Variants in RGS3 observed in about 807,000 individuals in gnomAD.
RGS3 encodes the protein regulator of G protein signaling 3.
A neutral mutation model predicts 132.6 loss-of-function variants in RGS3; 80 were observed. That is an observed-to-expected ratio of 0.60 (90% CI 0.50 to 0.73). The LOEUF is 0.73. Ranked by LOEUF, RGS3 falls within the 30% of genes least tolerant of loss-of-function variation. The probability of loss-of-function intolerance (pLI) is 0.00; values close to 1 mark genes in which losing one functional copy is unlikely to be tolerated. For synonymous variants in RGS3, 598 were observed against 620.6 expected, an observed-to-expected ratio of 0.96 and a Z score of 0.54; for missense variants, 1,382 against 1,530.8, an observed-to-expected ratio of 0.90 and a Z score of 1.62.
chr9:113,497,574 G>A (rs1830728979), intron 9 of RGS3, among the ~76,000 whole-genome samples, 170 bp downstream of exon 7: 1 of 152,170 alleles, frequency 6.6e-6, no homozygotes, highest in South Asian at 2.1e-4. Context: ...GCTGCAGGAA[G>A]CCTCTTGCCC....
exon 20 of RGS3, chr9:113,584,346 G>A (rs781709043): frequency 1.1e-5 from 17 of 1,583,528 alleles, no homozygotes; most frequent in South Asian, 6.8e-5. Context: ...GCATGCCTTC[G>A]CCCAGCACCC....
At chr9:113,498,902 G>A (rs1830773022) in intron 10 of RGS3, among the ~76,000 whole-genome samples, 2 of 132,038 alleles carry the variant, frequency 1.5e-5, no homozygotes, top group South Asian at 2.7e-4. Flanking sequence ...GGGTGACAGA[G>A]CAAGACTCTG....
chr9:113,496,816 G>T (rs1056669250), intron 8 of RGS3, among the ~76,000 whole-genome samples: 1 of 152,146 alleles, frequency 6.6e-6, no homozygotes, highest in Admixed American at 6.5e-5. Context: ...CTCCCAAAGT[G>T]CTGGGATTAC....
intron 19 of RGS3, among the ~76,000 whole-genome samples, chr9:113,572,890 A>T (rs570219746): frequency 6.6e-6 from 1 of 152,350 alleles, no homozygotes; most frequent in East Asian, 1.9e-4. Flanking sequence ...ACCTGCAACT[A>T]ACAGGACTCC....
chr9:113,529,338 C>T, intron 18 of RGS3, 74 bp downstream of exon 16: 1 of 1,252,946 alleles, frequency 8.0e-7, no homozygotes. Flanking sequence ...GGGCTGGGAT[C>T]TAGACCAGTG....
intron 19 of RGS3, among the ~76,000 whole-genome samples, chr9:113,561,134 G>C (rs2118815533): frequency 1.3e-5 from 2 of 152,044 alleles, no homozygotes; most frequent in Admixed American, 1.3e-4. Flanking sequence ...AGCAATTCTT[G>C]TGCCTCAGCC....
intron 1 of RGS3, among the ~76,000 whole-genome samples, chr9:113,445,704 A>T (rs906564704): frequency 6.7e-6 from 1 of 150,228 alleles, no homozygotes; most frequent in African/African-American, 2.5e-5. Context: ...TTTGAGACAG[A>T]CTCTCCCCCT....
In RGS3 at chr9:113,565,032, TGGGGTGGA is replaced by T. The variant is rs1378014459; in HGVS notation, c.2038-18416_2038-18409del. 37 of 1,113,810 alleles carry T rather than the reference TGGGGTGGA, an allele frequency of 3.3e-5. No homozygotes were observed. The highest frequency in any genetic ancestry group is 3.9e-5 in the Non-Finnish European group (35 of 902,488). The allele number at this position is 1,113,810 out of a possible 1,614,324, so 69.0% of individuals were successfully genotyped here. ...AGCCTGGGAGCCCTCAGGATGTGTG[TGGGGTGGA>T]GCCTGCTAGGGATCCCAGTGCCAGG... On this transcript the variant is annotated intron_variant, in intron 19 of 24. Transcript: ENST00000350696. This position sits in a 1 kb window ranked among gnomAD's most constrained non-coding sequence, Gnocchi z 5.7.
At chr9:113,510,699 A>G (rs1831367604) in intron 14 of RGS3, among the ~76,000 whole-genome samples, 1 of 152,210 alleles carries the variant, frequency 6.6e-6, no homozygotes, top group Non-Finnish European at 1.5e-5. Flanking sequence ...TAAGTCAGCA[A>G]GAGCACAGTT....
chr9:113,475,560 G>A (rs1425242041), intron 3 of RGS3, among the ~76,000 whole-genome samples: 3 of 151,954 alleles, frequency 2.0e-5, no homozygotes, highest in Non-Finnish European at 2.9e-5. Flanking sequence ...CACGCACCAC[G>A]GTGCCCGGCT....
chr9:113,544,364 G>A (rs1302395984), intron 19 of RGS3, among the ~76,000 whole-genome samples: 2 of 142,984 alleles, frequency 1.4e-5, no homozygotes, highest in Non-Finnish European at 3.0e-5. Context: ...CATCTATCCT[G>A]TAAGCCATCA....
intron 21 of RGS3, chr9:113,592,817 C>T (rs1370573113): frequency 2.0e-5 from 3 of 152,092 alleles, no homozygotes; most frequent in South Asian, 2.1e-4. Flanking sequence ...AAAGCTTAGA[C>T]GAAGAGTCTT....
intron 19 of RGS3, among the ~76,000 whole-genome samples, chr9:113,540,018 G>A (rs1331770656): frequency 6.6e-6 from 1 of 151,896 alleles, no homozygotes; most frequent in East Asian, 1.9e-4. Context: ...GCTGAGGGCC[G>A]GGGGCCATCT....
chr9:113,487,538 C>G (rs964984211), intron 7 of RGS3, among the ~76,000 whole-genome samples: 2 of 152,134 alleles, frequency 1.3e-5, no homozygotes, highest in African/African-American at 4.8e-5. Context: ...AACAATAGAG[C>G]CGGGATGGAA....
chr9:113,538,604 A>G (rs1351523248), intron 19 of RGS3, among the ~76,000 whole-genome samples: 1 of 152,054 alleles, frequency 6.6e-6, no homozygotes, highest in African/African-American at 2.4e-5. Flanking sequence ...GCTGTTTCTG[A>G]GGCAGGTTGT....
exon 22 of RGS3, chr9:113,594,501 G>T: frequency 6.2e-7 from 1 of 1,613,722 alleles, no homozygotes; most frequent in Non-Finnish European, 8.5e-7. Context: ...CCTCCCGCGG[G>T]CAAGGCAGAC....
At chr9:113,559,063 C>T (rs747337371) in intron 19 of RGS3, among the ~76,000 whole-genome samples, 5 of 152,234 alleles carry the variant, frequency 3.3e-5, no homozygotes, top group Non-Finnish European at 7.3e-5. Context: ...CCCCCACTGA[C>T]CCTTTGTTTT....
At chr9:113,458,084 G>A (rs1829400073), upstream of RGS3, among the ~76,000 whole-genome samples, 4 of 152,302 alleles carry the variant, frequency 2.6e-5, no homozygotes, top group South Asian at 8.3e-4. Flanking sequence ...CACAGTGTAT[G>A]CATGATCGAG....
intron 1 of RGS3, among the ~76,000 whole-genome samples, chr9:113,452,506 G>A (rs559330176): frequency 1.3e-5 from 2 of 150,476 alleles, no homozygotes; most frequent in African/African-American, 4.9e-5. Context: ...GTTTCTTCAC[G>A]TTTCTTCTGC....
Sources: allele counts gnomAD v4.1 joint callset (sites outside exome capture counted in the v4.1 genomes callset), GRCh38; gene constraint gnomAD v4.1.1; non-coding constraint Gnocchi (gnomAD v3.1); transcripts MANE v1.5; gene names NCBI Gene and HGNC (gene_info 2026-07-23, HGNC 2026-07-21).